Variants in SNX31 observed in about 807,000 individuals in gnomAD.
The protein encoded by SNX31 is sorting nexin 31, also known as sorting nexin-31.
A neutral mutation model predicts 65.4 loss-of-function variants in SNX31; 58 were observed. The observed-to-expected ratio is 0.89, with a 90% CI of 0.72 to 1.10. SNX31 has a LOEUF of 1.10. Ranked by LOEUF, SNX31 falls within the 50% of genes least tolerant of loss-of-function variation. SNX31 has a pLI of 0.00. For synonymous variants in SNX31, 181 were observed against 190.1 expected, an observed-to-expected ratio of 0.95 and a Z score of 0.39; for missense variants, 523 against 529.7, an observed-to-expected ratio of 0.99 and a Z score of 0.12.
rs531159858 is a variant in SNX31 at position 100,612,359 on chromosome 8, G to A, written c.524-272C>T. Among the ~76,000 whole-genome samples the A allele has an allele frequency of 2.6e-5, 4 of 151,938 alleles. No homozygotes were observed. In the South Asian group the frequency reaches 6.2e-4, roughly 24 times the overall value. On this transcript the variant is annotated intron_variant, in intron 6 of 13. Transcript: ENST00000311812. This position sits in a 1 kb window ranked among gnomAD's most constrained non-coding sequence, Gnocchi z 4.3. ...AGATCCGGAGACATCCAGCGCCTTC[G>A]CAGCTCACCGCAGGGCCTAGCAGCC...
intron 4 of SNX31, among the ~76,000 whole-genome samples, chr8:100,628,386 T>C (rs2131165842): frequency 6.6e-6 from 1 of 152,258 alleles, no homozygotes; most frequent in East Asian, 1.9e-4. Flanking sequence ...GTGGCACATA[T>C]ATACCATGGA....
rs1355747118 is a variant in SNX31, at chr8:100,576,384, G to C, written c.1227+635C>G. ...GAAAGGAAGAGTTAGCAAGGGCACA[G>C]TTAGTTAAGGGCATAGTTCCAGGGT... On this transcript the variant is annotated intron_variant, in intron 13 of 13. Coordinates refer to ENST00000311812, the MANE Select transcript of SNX31 (RefSeq NM_152628.4). This position sits in a 1 kb window ranked among gnomAD's most constrained non-coding sequence, Gnocchi z 4.8. Among the ~76,000 whole-genome samples the C allele has an allele frequency of 6.6e-6, 1 of 152,156 alleles. No individual in the cohort carries two copies. The highest frequency in any genetic ancestry group is 2.4e-5 in the African/African-American group (1 of 41,424).
intron 12 of SNX31, among the ~76,000 whole-genome samples, chr8:100,582,080 A>G (rs1302328425): frequency 2.6e-5 from 4 of 152,380 alleles, no homozygotes. Flanking sequence ...AAATATTTGG[A>G]TAAAGCAATA....
chr8:100,608,968 G>A (rs987330830), intron 7 of SNX31, among the ~76,000 whole-genome samples: 4 of 152,144 alleles, frequency 2.6e-5, no homozygotes, highest in African/African-American at 9.7e-5. Context: ...TCTCTTGCCT[G>A]AGCTGCTCTG....
chr8:100,596,020 A>C (rs1455258472), intron 10 of SNX31, among the ~76,000 whole-genome samples: 6 of 152,138 alleles, frequency 3.9e-5, no homozygotes, highest in Non-Finnish European at 2.9e-5. Flanking sequence ...CCAGCTAAAA[A>C]ATCGCCAGGG....
At chr8:100,596,869 G>T in intron 9 of SNX31, 27 bp from the exon 10 acceptor site, 1 of 1,605,884 alleles carries the variant, frequency 6.2e-7, no homozygotes, top group Non-Finnish European at 8.5e-7. Flanking sequence ...GATGTGGGGG[G>T]AGGGGAGGCA....
chr8:100,596,625 G>T lies in SNX31; in HGVS notation c.978+14C>A, dbSNP rs746730534. ...TTTTAAGTCATGGGCAAAGCAAGGT[G>T]CCAAGATACTCACAAGGAAAGTGAC... is the stretch of plus-strand genomic sequence containing the variant. On this transcript the variant is annotated intron_variant, in intron 10 of 13. Coordinates refer to ENST00000311812, the MANE Select transcript of SNX31 (RefSeq NM_152628.4). 8 of 1,611,400 alleles carry T rather than the reference G, an allele frequency of 5.0e-6. No homozygotes were observed. The East Asian group carries it at 1.8e-4, about 36-fold the overall frequency.
chr8:100,579,077 C>G (rs1813287864), intron 12 of SNX31, among the ~76,000 whole-genome samples: 1 of 152,078 alleles, frequency 6.6e-6, no homozygotes. Flanking sequence ...AATTAACACT[C>G]TGATGTCTTA....
chr8:100,644,392 G>A (rs1819483282), intron 2 of SNX31, among the ~76,000 whole-genome samples: 1 of 152,176 alleles, frequency 6.6e-6, no homozygotes, highest in Admixed American at 6.6e-5. Context: ...TTCCCTCACA[G>A]ATTTCTTTAA....
intron 3 of SNX31, among the ~76,000 whole-genome samples, chr8:100,632,818 A>G (rs1587026677): frequency 2.0e-5 from 3 of 152,240 alleles, no homozygotes; most frequent in Middle Eastern, 6.8e-3. Context: ...GTTGGTCTCA[A>G]ATTCCTGGGC....
At position 100,604,921 on chromosome 8, in the gene SNX31, C is replaced by A. The variant is rs146064034; in HGVS notation, c.681+3573G>T. Among the ~76,000 whole-genome samples, 766 of 150,612 alleles carry A rather than the reference C, an allele frequency of 5.1e-3. 7 individuals carry two copies. Among genetic ancestry groups the A allele is most frequent in the African/African-American group, 0.017 (711 of 40,992 alleles). On this transcript the variant is annotated intron_variant, in intron 8 of 13. Coordinates refer to ENST00000311812, the MANE Select transcript of SNX31 (RefSeq NM_152628.4). This position sits in a 1 kb window ranked among gnomAD's most constrained non-coding sequence, Gnocchi z 4.3. Reference sequence around the variant, plus strand: ...AGTCTTTTTTTTTCTTTTTTTTTGACAGAGTCTCGTGCTGTCACCCAAGCA... The same window carrying A: ...AGTCTTTTTTTTTCTTTTTTTTTGAAAGAGTCTCGTGCTGTCACCCAAGCA...
At chr8:100,595,490 T>C (rs1428726784) in intron 10 of SNX31, among the ~76,000 whole-genome samples, 1 of 152,042 alleles carries the variant, frequency 6.6e-6, no homozygotes, top group Non-Finnish European at 1.5e-5. Context: ...TGTATTAGTT[T>C]GTAGAGATGG....
At chr8:100,662,282 T>C (rs1369994420) in intron 1 of SNX31, among the ~76,000 whole-genome samples, 1 of 152,252 alleles carries the variant, frequency 6.6e-6, no homozygotes, top group Non-Finnish European at 1.5e-5. Context: ...AGTGTGATTC[T>C]AAAGCCGGTA....
chr8:100,580,689 A>G (rs1437905006), intron 12 of SNX31, among the ~76,000 whole-genome samples: 1 of 152,200 alleles, frequency 6.6e-6, no homozygotes, highest in Non-Finnish European at 1.5e-5. Flanking sequence ...CAGAAGATCC[A>G]CAATAGAAAG....
At position 100,635,955 on chromosome 8, in the gene SNX31, T is replaced by C. The variant is rs1414173125; in HGVS notation, c.198A>G (p.Ala66=). 1 of 1,614,072 alleles carries C rather than the reference T, an allele frequency of 6.2e-7. No homozygotes were observed. Among genetic ancestry groups the C allele is most frequent in the African/African-American group, 1.3e-5 (1 of 74,922 alleles). ...TCTCATCAGCCATAGCTGTGGTCATTGCCAGATAGTACTTTGGTGGGAAGG... is the reference window on the plus strand; with the variant it reads ...TCTCATCAGCCATAGCTGTGGTCATCGCCAGATAGTACTTTGGTGGGAAGG... ...LPPFPPKYYL[A]MTTAMADERR... is the part of the protein sequence containing the mutation. The change falls in exon 3 of 14, where the codon GCA becomes GCG. Residue 66 remains alanine, a synonymous_variant. Coordinates refer to ENST00000311812, the MANE Select transcript of SNX31 (RefSeq NM_152628.4).
In SNX31 at chr8:100,625,069, C is replaced by T. The variant is rs540010522; in HGVS notation, c.321+5258G>A. Among the ~76,000 whole-genome samples, 3 of 152,152 alleles carry T rather than the reference C, an allele frequency of 2.0e-5. No individual in the cohort carries two copies. Among genetic ancestry groups the T allele is most frequent in the African/African-American group, 4.8e-5 (2 of 41,434 alleles). ...CAAGTAATTCTCCCACCTCAGCCCC[C>T]CAAAGTTCTGGGATTACAGGTGTGA... On this transcript the variant is annotated intron_variant, in intron 4 of 13. Coordinates refer to ENST00000311812, the MANE Select transcript of SNX31 (RefSeq NM_152628.4). The surrounding 1 kb of genome is among the most constrained non-coding windows in gnomAD (Gnocchi z 4.2).
chr8:100,583,627 G>GC (rs1813756683), intron 12 of SNX31, among the ~76,000 whole-genome samples: 1 of 151,962 alleles, frequency 6.6e-6, no homozygotes, highest in Non-Finnish European at 1.5e-5. Context: ...AAAAAAAATA[G>GC]CCTTGAGAGT....
intron 12 of SNX31, among the ~76,000 whole-genome samples, chr8:100,581,333 C>CTA (rs1330316859): frequency 0.18 from 25,153 of 137,012 alleles, 2,495 homozygotes; most frequent in South Asian, 0.22. Flanking sequence ...ATCTATCTAT[C>CTA]TATCTATATA....
chr8:100,588,634 C>A lies in SNX31; in HGVS notation c.1092+232G>T, dbSNP rs901584434. The stretch of plus-strand genomic sequence containing the variant: ...TGGTCTAAGCCACTGTTGGTTGAAT[C>A]TTCTATTAATTGGTAACTAAATTCA... On this transcript the variant is annotated intron_variant, in intron 11 of 13. Coordinates refer to ENST00000311812, the MANE Select transcript of SNX31 (RefSeq NM_152628.4). The surrounding 1 kb of genome is among the most constrained non-coding windows in gnomAD (Gnocchi z 4.8). 5.9e-5 allele frequency among the ~76,000 whole-genome samples: 9 copies of A among 152,262 alleles called. No individual in the cohort carries two copies. Among genetic ancestry groups the A allele is most frequent in the African/African-American group, 2.2e-4 (9 of 41,554 alleles).
Sources: gnomAD v4.1 joint callset for allele counts (sites outside exome capture counted in the v4.1 genomes callset) on GRCh38, gnomAD v4.1.1 for gene constraint, Gnocchi (gnomAD v3.1) non-coding constraint, MANE v1.5 for transcripts, NCBI Gene and HGNC (gene_info 2026-07-23, HGNC 2026-07-21) for gene names.